The following GALNTL6 variants were observed in gnomAD, a reference collection of about 807,000 sequenced individuals.
The protein encoded by GALNTL6 is polypeptide N-acetylgalactosaminyltransferase like 6.
GALNTL6 carries 46 observed loss-of-function variants against 73.7 expected under a neutral mutation model. That is an observed-to-expected ratio of 0.62 (90% CI 0.49 to 0.80). The LOEUF (loss-of-function observed/expected upper bound fraction) is 0.80, where lower values mean the gene tolerates loss of function less well. Ranked by LOEUF, GALNTL6 falls within the 30% of genes least tolerant of loss-of-function variation. GALNTL6 has a pLI of 0.00. For missense variants in GALNTL6, 604 were observed against 755.0 expected, an observed-to-expected ratio of 0.80 and a Z score of 2.34; for synonymous variants, 259 against 263.7, an observed-to-expected ratio of 0.98 and a Z score of 0.17.
intron 2 of GALNTL6, among the ~76,000 whole-genome samples, chr4:171,933,640 T>G (rs1321368210): frequency 1.3e-5 from 2 of 152,176 alleles, no homozygotes; most frequent in Non-Finnish European, 2.9e-5. Flanking sequence ...GTGTTGTATA[T>G]TTACTTAACT....
intron 2 of GALNTL6, among the ~76,000 whole-genome samples, chr4:172,125,267 A>T (rs1733263314): frequency 2.0e-5 from 3 of 152,212 alleles, no homozygotes; most frequent in Admixed American, 2.0e-4. Flanking sequence ...CAGAATTTTC[A>T]ATCTAAATCC....
intron 4 of GALNTL6, among the ~76,000 whole-genome samples, chr4:172,326,612 G>A (rs535750358): frequency 1.3e-5 from 2 of 152,038 alleles, no homozygotes; most frequent in East Asian, 3.9e-4. Context: ...GTTTATTGGA[G>A]GAAGGAGGTG....
intron 3 of GALNTL6, among the ~76,000 whole-genome samples, chr4:172,298,788 T>C (rs1255511106): frequency 6.6e-6 from 1 of 152,206 alleles, no homozygotes; most frequent in African/African-American, 2.4e-5. Context: ...ATTGAGGATT[T>C]TTGCATCGAT....
intron 5 of GALNTL6, among the ~76,000 whole-genome samples, chr4:172,658,873 G>A (rs1474396290): frequency 6.6e-6 from 1 of 152,016 alleles, no homozygotes; most frequent in East Asian, 1.9e-4. Flanking sequence ...TAGACACGTT[G>A]GTGACAAGTC....
chr4:172,915,610 C>G (rs886663245), intron 8 of GALNTL6, among the ~76,000 whole-genome samples: 5 of 152,126 alleles, frequency 3.3e-5, no homozygotes, highest in Non-Finnish European at 5.9e-5. Flanking sequence ...TCAGAGAATA[C>G]TATAAACACT....
chr4:173,000,927 C>T (rs1171898788), intron 10 of GALNTL6, among the ~76,000 whole-genome samples: 1 of 152,068 alleles, frequency 6.6e-6, no homozygotes, highest in Non-Finnish European at 1.5e-5. Flanking sequence ...CAGAATGTAA[C>T]CTTATTTGGA....
At chr4:172,358,360 C>G (rs993363758) in intron 5 of GALNTL6, among the ~76,000 whole-genome samples, 1 of 152,244 alleles carries the variant, frequency 6.6e-6, no homozygotes, top group African/African-American at 2.4e-5. Flanking sequence ...CAGCAGGTTA[C>G]TCATTACTGC....
At chr4:171,973,385 T>C (rs570069136) in intron 2 of GALNTL6, among the ~76,000 whole-genome samples, 10 of 152,294 alleles carry the variant, frequency 6.6e-5, no homozygotes, top group African/African-American at 1.2e-4. Context: ...GGTAGGACCA[T>C]TGTCCTCTGA....
chr4:172,885,439 T>G (rs536917944), intron 8 of GALNTL6, among the ~76,000 whole-genome samples: 1 of 152,200 alleles, frequency 6.6e-6, no homozygotes, highest in Non-Finnish European at 1.5e-5. Flanking sequence ...AGAATTAATT[T>G]ATCAGTTCCA....
At chr4:172,234,371 T>C (rs377455192) in intron 3 of GALNTL6, among the ~76,000 whole-genome samples, 1 of 152,178 alleles carries the variant, frequency 6.6e-6, no homozygotes, top group East Asian at 1.9e-4. Flanking sequence ...TTTGAGATTT[T>C]ATCTGCCTGT....
intron 2 of GALNTL6, among the ~76,000 whole-genome samples, chr4:171,856,628 TC>T (rs907471380): frequency 2.0e-5 from 3 of 152,236 alleles, no homozygotes; most frequent in African/African-American, 7.2e-5. Flanking sequence ...AGTATTTTTT[TC>T]GTTTGCTTTC....
intron 7 of GALNTL6, among the ~76,000 whole-genome samples, chr4:172,834,859 C>T (rs1214288927): frequency 6.6e-6 from 1 of 152,250 alleles, no homozygotes; most frequent in African/African-American, 2.4e-5. Context: ...TCTCTATCTT[C>T]TTCATGGCTT....
intron 3 of GALNTL6, among the ~76,000 whole-genome samples, chr4:172,242,524 C>T (rs969501425): frequency 2.6e-5 from 4 of 152,060 alleles, no homozygotes; most frequent in African/African-American, 9.7e-5. Flanking sequence ...CTGGTTTCAA[C>T]TGTTCTATAT....
intron 5 of GALNTL6, among the ~76,000 whole-genome samples, chr4:172,673,300 C>G (rs1732094062): frequency 6.6e-6 from 1 of 152,224 alleles, no homozygotes; most frequent in South Asian, 2.1e-4. Flanking sequence ...ATTTCTTAGT[C>G]TCGATTTCTA....
chr4:172,514,562 G>T (rs1054647482), intron 5 of GALNTL6, among the ~76,000 whole-genome samples: 1 of 152,126 alleles, frequency 6.6e-6, no homozygotes, highest in Admixed American at 6.5e-5. Flanking sequence ...TATGGCTTCT[G>T]TGCTCATATC....
chr4:172,891,354 G>A (rs958974392), intron 8 of GALNTL6, among the ~76,000 whole-genome samples: 8 of 152,034 alleles, frequency 5.3e-5, no homozygotes, highest in African/African-American at 1.4e-4. Flanking sequence ...TGTAAGGCAG[G>A]TCTAGTAGTA....
intron 2 of GALNTL6, among the ~76,000 whole-genome samples, chr4:172,036,701 T>A (rs1035332982): frequency 2.6e-5 from 4 of 152,130 alleles, no homozygotes; most frequent in Non-Finnish European, 5.9e-5. Context: ...GTCATAGTCG[T>A]ATAGCCTGAA....
intron 10 of GALNTL6, among the ~76,000 whole-genome samples, chr4:172,985,801 G>T (rs992101025): frequency 6.6e-6 from 1 of 152,180 alleles, no homozygotes; most frequent in Non-Finnish European, 1.5e-5. Flanking sequence ...CAGAATTCAG[G>T]ATCTGAAAAA....
chr4:172,380,432 G>T, intron 5 of GALNTL6: 2 of 538,660 alleles, frequency 3.7e-6, no homozygotes, highest in Non-Finnish European at 7.2e-6. Context: ...GCCAGGAACT[G>T]GTTCTGCCAG....
Sources: allele counts gnomAD v4.1 joint callset (sites outside exome capture counted in the v4.1 genomes callset), GRCh38; gene constraint gnomAD v4.1.1; transcripts MANE v1.5; gene names NCBI Gene and HGNC (gene_info 2026-07-23, HGNC 2026-07-21).